SPIN1: variants seen among roughly 807,000 people sequenced by gnomAD.
SPIN1 encodes the protein spindlin 1.
SPIN1 carries 3 observed loss-of-function variants against 26.0 expected under a neutral mutation model. The observed-to-expected ratio is 0.12, with a 90% CI of 0.05 to 0.30. The LOEUF is 0.30. SPIN1 is among the 10% of genes least tolerant of loss of function. The pLI is 1.00. For synonymous variants in SPIN1, 101 were observed against 116.5 expected (o/e 0.87, Z 0.86); for missense variants, 126 against 333.4 (o/e 0.38, Z 4.84).
intron 1 of SPIN1, among the ~76,000 whole-genome samples, chr9:88,414,368 C>CAT (rs1827518464): frequency 6.6e-6 from 1 of 152,214 alleles, no homozygotes; most frequent in Non-Finnish European, 1.5e-5. Flanking sequence ...ATCTTGTTAA[C>CAT]ATAAACTAGG....
chr9:88,393,451 T>G (rs532966875), intron 1 of SPIN1, among the ~76,000 whole-genome samples: 53 of 102,280 alleles, frequency 5.2e-4, no homozygotes, highest in African/African-American at 2.6e-3. Flanking sequence ...TTGGGTTTTT[T>G]TTTTTTTTTT....
intron 1 of SPIN1, among the ~76,000 whole-genome samples, chr9:88,408,419 C>A (rs1206530428): frequency 6.8e-6 from 1 of 146,572 alleles, no homozygotes; most frequent in Admixed American, 6.9e-5. Flanking sequence ...GCTCTGTCAC[C>A]CAGGCTGCAG....
intron 1 of SPIN1, among the ~76,000 whole-genome samples, chr9:88,422,356 TTAA>T (rs1351050467): frequency 9.2e-5 from 14 of 152,354 alleles, no homozygotes; most frequent in African/African-American, 3.4e-4. Flanking sequence ...ATTTACAAAG[TTAA>T]TCACTTAGTA....
chr9:88,463,983 A>C (rs983324647), intron 4 of SPIN1, among the ~76,000 whole-genome samples: 1 of 152,166 alleles, frequency 6.6e-6, no homozygotes, highest in Non-Finnish European at 1.5e-5. Context: ...AGCTCACTTG[A>C]AGGTTCCTGC....
At chr9:88,409,563 C>T (rs1255846554) in intron 1 of SPIN1, among the ~76,000 whole-genome samples, 3 of 151,762 alleles carry the variant, frequency 2.0e-5, no homozygotes, top group Middle Eastern at 6.8e-3. Flanking sequence ...CGGCCAGGTG[C>T]GGTGGCTCAT....
At chr9:88,463,299 C>A (rs990196956) in intron 4 of SPIN1, among the ~76,000 whole-genome samples, 1 of 152,072 alleles carries the variant, frequency 6.6e-6, no homozygotes, top group Non-Finnish European at 1.5e-5. Flanking sequence ...TGCAAGTGTT[C>A]CTTAAGGCAT....
chr9:88,427,275 G>A (rs1827781273), intron 2 of SPIN1, among the ~76,000 whole-genome samples: 1 of 152,004 alleles, frequency 6.6e-6, no homozygotes, highest in Non-Finnish European at 1.5e-5. Flanking sequence ...ATTATTAATA[G>A]TACAAACTTA....
intron 1 of SPIN1, among the ~76,000 whole-genome samples, chr9:88,402,088 T>G (rs1346458264): frequency 1.3e-5 from 2 of 152,052 alleles, no homozygotes; most frequent in African/African-American, 4.8e-5. Flanking sequence ...GCCTCCTGGG[T>G]TCAAGCAATT....
chr9:88,450,538 C>CA (rs1828335075), intron 3 of SPIN1, among the ~76,000 whole-genome samples: 2 of 152,102 alleles, frequency 1.3e-5, no homozygotes, highest in African/African-American at 4.8e-5. Context: ...CCTAATAAGC[C>CA]ATACTGTTCA....
At chr9:88,468,293 T>C in intron 4 of SPIN1, 79 bp from the exon 5 acceptor site, 1 of 1,082,926 alleles carries the variant, frequency 9.2e-7, no homozygotes, top group Non-Finnish European at 1.3e-6. Context: ...GGTGTAGCCT[T>C]CTTTAGTAAA....
At position 88,475,415 on chromosome 9, in the gene SPIN1, T is replaced by A. The variant is rs1828870972; in HGVS notation, c.*138T>A. ...CAATCTCTGCCAGCAGAACTGGTTT[T>A]GTTCTGAATAGTACAGATTGATGTG... On this transcript the variant is annotated 3_prime_UTR_variant, in exon 6 of 6. Coordinates refer to ENST00000375859, the MANE Select transcript of SPIN1 (RefSeq NM_006717.3). 1 of 835,878 alleles carries A rather than the reference T, an allele frequency of 1.2e-6. No homozygotes were observed. Among genetic ancestry groups the A allele is most frequent in the Non-Finnish European group, 1.9e-6 (1 of 538,132 alleles). The allele number at this position is 835,878 out of a possible 1,614,324, so 51.8% of individuals were successfully genotyped here.
intron 1 of SPIN1, among the ~76,000 whole-genome samples, chr9:88,395,956 A>G (rs1034106861): frequency 3.9e-4 from 59 of 152,054 alleles, no homozygotes; most frequent in African/African-American, 1.4e-3. Flanking sequence ...CTGAGGCAAG[A>G]GAATCACTTG....
chr9:88,416,365 C>T (rs1329850904), intron 1 of SPIN1, among the ~76,000 whole-genome samples: 1 of 151,858 alleles, frequency 6.6e-6, no homozygotes, highest in Non-Finnish European at 1.5e-5. Flanking sequence ...ATTCTGTCAC[C>T]TAGGCTGGAG....
intron 1 of SPIN1, among the ~76,000 whole-genome samples, chr9:88,414,157 T>C (rs1015228959): frequency 6.6e-6 from 1 of 152,160 alleles, no homozygotes; most frequent in African/African-American, 2.4e-5. Flanking sequence ...GGAAAGCTCA[T>C]GTGAGCCTCT....
At position 88,426,575 on chromosome 9, in the gene SPIN1, G is replaced by T. The variant is rs1160824022; in HGVS notation, c.36G>T (p.Arg12=). The T allele has an allele frequency of 1.2e-6, 2 of 1,613,640 alleles. No individual in the cohort carries two copies. Among genetic ancestry groups the T allele is most frequent in the Non-Finnish European group, 1.7e-6 (2 of 1,179,714 alleles). The change falls in exon 2 of 6, where the codon CGG becomes CGT. Residue 12 remains arginine (R), a synonymous_variant. Coordinates refer to ENST00000375859, the MANE Select transcript of SPIN1 (RefSeq NM_006717.3). Reference sequence around the variant, plus strand: ...CATTCGGAAAGACACCTGGCCAGCGGTCCAGAGCTGATGCAGGTAGGCATT... The same window carrying T: ...CATTCGGAAAGACACCTGGCCAGCGTTCCAGAGCTGATGCAGGTAGGCATT... The part of the protein sequence containing the change: ...KTPFGKTPGQ[R]SRADAGHAGV...
chr9:88,445,199 C>G (rs1242343948), intron 2 of SPIN1, among the ~76,000 whole-genome samples: 1 of 152,082 alleles, frequency 6.6e-6, no homozygotes, highest in Non-Finnish European at 1.5e-5. Flanking sequence ...AGACTTTTTA[C>G]TTTTCTTTCT....
chr9:88,435,980 A>G (rs1827991318), intron 2 of SPIN1, among the ~76,000 whole-genome samples: 1 of 152,210 alleles, frequency 6.6e-6, no homozygotes, highest in African/African-American at 2.4e-5. Flanking sequence ...TTTAGCCCAT[A>G]TATGTGTGGA....
At chr9:88,471,547 C>T (rs922581420) in intron 5 of SPIN1, among the ~76,000 whole-genome samples, 3 of 140,456 alleles carry the variant, frequency 2.1e-5, no homozygotes, top group South Asian at 4.6e-4. Context: ...CCCAGCTACT[C>T]GGGAGGCTGA....
chr9:88,399,281 C>T (rs1827137851), intron 1 of SPIN1, among the ~76,000 whole-genome samples: 1 of 152,108 alleles, frequency 6.6e-6, no homozygotes, highest in African/African-American at 2.4e-5. Flanking sequence ...ATCCACCCGC[C>T]TCGGCCTCCC....
Sources: gnomAD v4.1 joint callset for allele counts (sites outside exome capture counted in the v4.1 genomes callset) on GRCh38, gnomAD v4.1.1 for gene constraint, MANE v1.5 for transcripts, NCBI Gene and HGNC (gene_info 2026-07-23, HGNC 2026-07-21) for gene names.